The following PCDH11Y variants were observed in gnomAD, a reference collection of about 807,000 sequenced individuals.
The protein encoded by PCDH11Y is protocadherin-11 Y-linked.
For missense variants in PCDH11Y, 12 were observed against 224.8 expected, an observed-to-expected ratio of 0.05 and a Z score of 6.05; for synonymous variants, 9 against 83.6, an observed-to-expected ratio of 0.11 and a Z score of 4.87.
chrY:5,539,447 C>T (rs2053403814), intron 3 of PCDH11Y, among the ~76,000 whole-genome samples: 1 of 34,243 alleles, frequency 2.9e-5, no homozygotes, highest in African/African-American at 1.1e-4. Context: ...CTTTAAAAAA[C>T]AATGCAAGGT....
chrY:5,349,083 G>T (rs2053155045), intron 2 of PCDH11Y, among the ~76,000 whole-genome samples: 1 of 30,983 alleles, frequency 3.2e-5, no homozygotes, highest in Admixed American at 3.1e-4. Flanking sequence ...AGGTGAGATC[G>T]CACCACTGCA....
chrY:5,027,111 T>A (rs138390698), intron 1 of PCDH11Y, among the ~76,000 whole-genome samples: 111 of 30,968 alleles, frequency 3.6e-3, no homozygotes, highest in Non-Finnish European at 3.7e-3. Context: ...ACATTTTTTT[T>A]AAAAAAATTA....
intron 4 of PCDH11Y, among the ~76,000 whole-genome samples, chrY:5,592,411 C>T: frequency 3.4e-5 from 1 of 29,374 alleles, no homozygotes; most frequent in Admixed American, 3.2e-4. Flanking sequence ...TCATGGGTGT[C>T]ACTGCATGTG....
chrY:5,055,343 G>A (rs2124627700), upstream of PCDH11Y, among the ~76,000 whole-genome samples: 2 of 33,040 alleles, frequency 6.1e-5, no homozygotes, highest in African/African-American at 2.3e-4. Context: ...ACTAAAACTT[G>A]TTGATGTTAT....
At chrY:5,704,053 G>T in intron 4 of PCDH11Y, among the ~76,000 whole-genome samples, 1 of 32,136 alleles carries the variant, frequency 3.1e-5, no homozygotes, top group East Asian at 8.1e-4. Context: ...CTCCATGTTG[G>T]TTATACAGTC....
At chrY:5,586,599 T>C (rs868054133) in intron 4 of PCDH11Y, among the ~76,000 whole-genome samples, 674 of 32,036 alleles carry the variant, frequency 0.021, no homozygotes, top group Middle Eastern at 0.18. Flanking sequence ...ATATTTATTA[T>C]GGCTTTGAGC....
intron 2 of PCDH11Y, among the ~76,000 whole-genome samples, chrY:5,472,578 G>T (rs2053315061): frequency 3.1e-5 from 1 of 32,040 alleles, no homozygotes; most frequent in South Asian, 6.9e-4. Flanking sequence ...CCCATGCTAC[G>T]TCACTCACAA....
chrY:5,599,010 G>A, intron 4 of PCDH11Y, among the ~76,000 whole-genome samples: 1 of 32,427 alleles, frequency 3.1e-5, no homozygotes, highest in Non-Finnish European at 7.6e-5. Context: ...GTCAAAGCTT[G>A]CCTTCTGGGA....
At chrY:5,280,484 A>G in intron 2 of PCDH11Y, among the ~76,000 whole-genome samples, 3 of 32,439 alleles carry the variant, frequency 9.2e-5, no homozygotes, top group Non-Finnish European at 2.3e-4. Context: ...ATAGTATTCC[A>G]TGGTATATAT....
At chrY:5,168,718 G>A (rs1602879351) in intron 2 of PCDH11Y, among the ~76,000 whole-genome samples, 1 of 24,124 alleles carries the variant, frequency 4.1e-5, no homozygotes, top group East Asian at 1.1e-3. Flanking sequence ...AATACTATTC[G>A]GGTATGAGAT....
chrY:5,256,295 C>T (rs1602894583), intron 2 of PCDH11Y, among the ~76,000 whole-genome samples: 1 of 32,453 alleles, frequency 3.1e-5, no homozygotes. Flanking sequence ...GTTACTGAAG[C>T]GACTGTCTTT....
rs2052717880 is a variant in PCDH11Y, at chrY:5,080,718, G to GT, written c.637-17488dup. On this transcript the variant is annotated intron_variant, in intron 1 of 1. Transcript: ENST00000215473. ...TCATGTCCTTTGCCCACTTTTTAAT[G>GT]TTTTTTTTTCTTGTAAATTTGTTTA... 2.8e-4 allele frequency among the ~76,000 whole-genome samples: 8 copies of GT among 28,397 alleles called. No individual in the cohort carries two copies. In the East Asian group the frequency reaches 4.7e-3, roughly 17 times the overall value. The allele number at this position is 28,397 out of a possible 37,273, so 76.2% of individuals were successfully genotyped here.
chrY:5,108,013 C>G (rs1379683714), downstream of PCDH11Y, among the ~76,000 whole-genome samples: 1 of 23,278 alleles, frequency 4.3e-5, no homozygotes, highest in East Asian at 1.1e-3. Flanking sequence ...GAGCCGAGAT[C>G]GCGCCACTGC....
At chrY:5,626,129 T>C in intron 4 of PCDH11Y, among the ~76,000 whole-genome samples, 1 of 31,389 alleles carries the variant, frequency 3.2e-5, no homozygotes, top group Non-Finnish European at 7.8e-5. Context: ...TGGTTCAATC[T>C]TCAGAGGTTT....
At chrY:5,355,171 G>T (rs2053164229) in intron 2 of PCDH11Y, among the ~76,000 whole-genome samples, 1 of 30,056 alleles carries the variant, frequency 3.3e-5, no homozygotes, top group Non-Finnish European at 7.8e-5. Context: ...TGAGGCAGGA[G>T]AATCGCTTGA....
intron 2 of PCDH11Y, among the ~76,000 whole-genome samples, chrY:5,188,191 C>A (rs2052908229): frequency 3.0e-5 from 1 of 33,485 alleles, no homozygotes; most frequent in Non-Finnish European, 7.4e-5. Flanking sequence ...AAGCCATTCA[C>A]CAAGTCTCTA....
chrY:5,015,120 A>G (rs2052559472), intron 1 of PCDH11Y, among the ~76,000 whole-genome samples: 1 of 33,730 alleles, frequency 3.0e-5, no homozygotes, highest in Non-Finnish European at 7.4e-5. Context: ...ACAGTTCTAC[A>G]TAAAGGTGAT....
intron 4 of PCDH11Y, among the ~76,000 whole-genome samples, chrY:5,718,339 A>G (rs2053591642): frequency 3.0e-5 from 1 of 33,313 alleles, no homozygotes; most frequent in African/African-American, 1.2e-4. Flanking sequence ...GCCTGTATCA[A>G]AAAATCTTAT....
chrY:5,021,217 A>G, intron 1 of PCDH11Y, among the ~76,000 whole-genome samples: 3 of 33,064 alleles, frequency 9.1e-5, no homozygotes, highest in African/African-American at 2.4e-4. Context: ...GGGAGTTTCA[A>G]CTGATACCTC....
Sources: gnomAD v4.1 joint callset for allele counts (sites outside exome capture counted in the v4.1 genomes callset) on GRCh38, gnomAD v4.1.1 for gene constraint, MANE v1.5 for transcripts, NCBI Gene and HGNC (gene_info 2026-07-23, HGNC 2026-07-21) for gene names.